The following TP53BP1 variants were observed in gnomAD, a reference collection of about 807,000 sequenced individuals.
The protein encoded by TP53BP1 is tumor protein p53 binding protein 1, also known as TP53-binding protein 1.
TP53BP1 carries 61 observed loss-of-function variants against 200.8 expected under a neutral mutation model. That is an observed-to-expected ratio of 0.30 (90% CI 0.25 to 0.38). The LOEUF is 0.38. TP53BP1 is among the 10% of genes least tolerant of loss of function. The probability of loss-of-function intolerance (pLI) is 1.00; values close to 1 mark genes in which losing one functional copy is unlikely to be tolerated. For synonymous variants in TP53BP1, 822 were observed against 844.3 expected, an observed-to-expected ratio of 0.97 and a Z score of 0.46; for missense variants, 2,144 against 2,371.9, an observed-to-expected ratio of 0.90 and a Z score of 2.00.
chr15:43,432,176 C>G lies in TP53BP1; in HGVS notation c.3675+18G>C. 6.2e-7 allele frequency: 1 copy of G among 1,609,376 alleles called. No homozygotes were observed. The highest frequency in any genetic ancestry group is 8.5e-7 in the Non-Finnish European group (1 of 1,177,470). Reference sequence around the variant, plus strand: ...GTTAAAAACAAGGCCTCTGATGCACCCTAGTATGTTCTCTCACCTGGCTAT... The same window carrying G: ...GTTAAAAACAAGGCCTCTGATGCACGCTAGTATGTTCTCTCACCTGGCTAT... On this transcript the variant is annotated intron_variant, in intron 17 of 27. Coordinates refer to ENST00000382044, the MANE Select transcript of TP53BP1 (RefSeq NM_001141980.3).
chr15:43,506,583 A>T (rs184344414), intron 1 of TP53BP1, among the ~76,000 whole-genome samples: 1 of 152,358 alleles, frequency 6.6e-6, no homozygotes, highest in African/African-American at 2.4e-5. Context: ...CCTTCATCAC[A>T]GTTCAAAAGC....
chr15:43,453,473 C>T (rs1437759597), intron 12 of TP53BP1, among the ~76,000 whole-genome samples: 1 of 151,816 alleles, frequency 6.6e-6, no homozygotes, highest in African/African-American at 2.4e-5. Context: ...AGCCAAAAGA[C>T]GTTAAGAAGA....
chr15:43,496,215 C>G (rs1268977776), upstream of TP53BP1, among the ~76,000 whole-genome samples: 1 of 152,162 alleles, frequency 6.6e-6, no homozygotes, highest in Non-Finnish European at 1.5e-5. Context: ...AATTTTTCTT[C>G]TAATATTAAT....
intron 1 of TP53BP1, among the ~76,000 whole-genome samples, chr15:43,508,426 G>A (rs2079250329): frequency 6.6e-6 from 1 of 152,212 alleles, no homozygotes; most frequent in Non-Finnish European, 1.5e-5. Flanking sequence ...GGGAGGCCAA[G>A]GCAAGAGGAC....
intron 23 of TP53BP1, 26 bp from the exon 24 acceptor site, chr15:43,413,360 T>C (rs373590837): frequency 3.0e-4 from 482 of 1,597,524 alleles, no homozygotes; most frequent in Non-Finnish European, 3.9e-4. Flanking sequence ...GCACAGTTAC[T>C]AGAGGGATAC....
chr15:43,436,148 C>T (rs1363684903), intron 16 of TP53BP1, among the ~76,000 whole-genome samples: 2 of 152,028 alleles, frequency 1.3e-5, no homozygotes, highest in Non-Finnish European at 2.9e-5. Context: ...TGCACCACCA[C>T]ACCTGGCTAA....
chr15:43,475,093 TA>T (rs1201974384), intron 9 of TP53BP1, among the ~76,000 whole-genome samples: 2 of 152,024 alleles, frequency 1.3e-5, no homozygotes, highest in Non-Finnish European at 2.9e-5. Flanking sequence ...ATTTGAGACA[TA>T]AAAAAAATTA....
intron 13 of TP53BP1, 97 bp from the exon 14 acceptor site, chr15:43,446,687 A>G: frequency 6.4e-7 from 1 of 1,556,576 alleles, no homozygotes; most frequent in Non-Finnish European, 8.7e-7. Context: ...GTTTGGCTCC[A>G]CAGCTCTGCA....
chr15:43,469,019 C>G (rs1405658168), intron 11 of TP53BP1, among the ~76,000 whole-genome samples: 1 of 152,126 alleles, frequency 6.6e-6, no homozygotes, highest in East Asian at 1.9e-4. Flanking sequence ...CTTTTAAATA[C>G]AAACTCTTGT....
At position 43,405,579 on chromosome 15, in the gene TP53BP1, T is replaced by A; in HGVS notation, c.*1804A>T. 4.4e-6 allele frequency: 1 copy of A among 227,112 alleles called. No individual in the cohort carries two copies. Among genetic ancestry groups the A allele is most frequent in the Non-Finnish European group, 8.6e-6 (1 of 115,826 alleles). 14.1% of individuals were successfully genotyped at this position (227,112 alleles called of 1,614,324 possible). A position where few individuals can be genotyped will look rare whatever the true frequency, so the allele number is the denominator to read the frequency against. On this transcript the variant is annotated 3_prime_UTR_variant, in exon 28 of 28. Transcript: ENST00000382044. ...ACAATATAGAGCAGAAAGTTAAATA[T>A]TTTATGGTTCATATGTGAAAAAGTA... is the stretch of plus-strand genomic sequence containing the variant.
Position 43,406,776 on chromosome 15 carries a change from T to TTATC in TP53BP1, c.*603_*606dup, listed in dbSNP as rs1471400421. On this transcript the variant is annotated 3_prime_UTR_variant, in exon 28 of 28. Transcript: ENST00000382044. ...GTGTTCTCACTTGTGCTTCCCATGT[T>TTATC]TATCTTACGGAAGGTCATTCCATCA... 1 of 356,044 alleles carries TTATC rather than the reference T, an allele frequency of 2.8e-6. No individual in the cohort carries two copies. 22.1% of individuals were successfully genotyped at this position (356,044 alleles called of 1,614,324 possible).
chr15:43,499,277 G>A (rs1238205305), intron 1 of TP53BP1, among the ~76,000 whole-genome samples: 1 of 152,120 alleles, frequency 6.6e-6, no homozygotes, highest in African/African-American at 2.4e-5. Context: ...GGGTGGAGAG[G>A]GGGAGGAGGA....
chr15:43,405,063 A>G lies in TP53BP1; in HGVS notation c.*2320T>C, dbSNP rs1024014598. On this transcript the variant is annotated 3_prime_UTR_variant, in exon 28 of 28. Coordinates refer to ENST00000382044, the MANE Select transcript of TP53BP1 (RefSeq NM_001141980.3). ...CTGCAAGCAGATTTTTTTCTAAGCTATTGTAGCAGAAGAGTCAAAAGAAAC... is the reference window on the plus strand; with the variant it reads ...CTGCAAGCAGATTTTTTTCTAAGCTGTTGTAGCAGAAGAGTCAAAAGAAAC... The G allele has an allele frequency of 1.7e-5, 16 of 930,120 alleles. No homozygotes were observed. The highest frequency in any genetic ancestry group is 5.0e-5 in the African/African-American group (3 of 59,714). The allele number at this position is 930,120 out of a possible 1,614,324, so 57.6% of individuals were successfully genotyped here.
Position 43,408,101 on chromosome 15 carries a change from C to A in TP53BP1, c.5601-13G>T. On this transcript the variant is annotated splice_polypyrimidine_tract_variant and intron_variant, in intron 26 of 27. Coordinates refer to ENST00000382044, the MANE Select transcript of TP53BP1 (RefSeq NM_001141980.3). The stretch of plus-strand genomic sequence containing the variant: ...TTCACGGGGTTGCCTATGAAGGAGA[C>A]AGGAAAGGACCTTAGCATGACAAGT... 1 of 1,612,692 alleles carries A rather than the reference C, an allele frequency of 6.2e-7. No homozygotes were observed.
chr15:43,492,131 A>G (rs769202562), intron 2 of TP53BP1, 36 bp from the exon 3 acceptor site: 1 of 1,554,130 alleles, frequency 6.4e-7, no homozygotes, highest in Non-Finnish European at 8.9e-7. Flanking sequence ...CCCATTATAT[A>G]TGAAATAGTT....
Position 43,407,287 on chromosome 15 carries a change from T to C in TP53BP1, c.*96A>G. 3 of 1,027,610 alleles carry C rather than the reference T, an allele frequency of 2.9e-6. No homozygotes were observed. The highest frequency in any genetic ancestry group is 4.8e-5 in the East Asian group (2 of 41,528). The allele number at this position is 1,027,610 out of a possible 1,614,324, so 63.7% of individuals were successfully genotyped here. A position where few individuals can be genotyped will look rare whatever the true frequency, so the allele number is the denominator to read the frequency against. ...CAAATAAAACTATATACAAGATCCA[T>C]GCAAGGAATCCAGTTACACACAAGA... On this transcript the variant is annotated 3_prime_UTR_variant, in exon 28 of 28. Coordinates refer to ENST00000382044, the MANE Select transcript of TP53BP1 (RefSeq NM_001141980.3).
intron 1 of TP53BP1, among the ~76,000 whole-genome samples, chr15:43,504,170 G>T (rs2079224416): frequency 6.6e-6 from 1 of 152,138 alleles, no homozygotes; most frequent in Admixed American, 6.5e-5. Flanking sequence ...TTGAGACAGA[G>T]TCTTGCTCTG....
At chr15:43,474,498 T>C (rs1463033499) in intron 10 of TP53BP1, among the ~76,000 whole-genome samples, 175 bp downstream of exon 10, 1 of 146,846 alleles carries the variant, frequency 6.8e-6, no homozygotes, top group South Asian at 2.1e-4. Flanking sequence ...AGCAAAGAAC[T>C]GAGGACAGCA....
At position 43,492,503 on chromosome 15, in the gene TP53BP1, A is replaced by G; in HGVS notation, c.8-35T>C. 3 of 1,578,916 alleles carry G rather than the reference A, an allele frequency of 1.9e-6. No individual in the cohort carries two copies. In the South Asian group the frequency reaches 3.4e-5, roughly 18 times the overall value. ...AATAACAAAAGATCAGTTCCGTGTAACCTACTAGCCTTGCTCACGCAGTCT... is the reference window on the plus strand; with the variant it reads ...AATAACAAAAGATCAGTTCCGTGTAGCCTACTAGCCTTGCTCACGCAGTCT... On this transcript the variant is annotated intron_variant, in intron 1 of 27. Transcript: ENST00000382044.
Sources: gnomAD v4.1 joint callset for allele counts (sites outside exome capture counted in the v4.1 genomes callset) on GRCh38, gnomAD v4.1.1 for gene constraint, MANE v1.5 for transcripts, NCBI Gene and HGNC (gene_info 2026-07-23, HGNC 2026-07-21) for gene names.